GFOD1: variants seen among roughly 807,000 people sequenced by gnomAD.
GFOD1 encodes the protein glucose-fructose oxidoreductase domain-containing protein 1.
In GFOD1, 9 loss-of-function variants were observed where a neutral mutation model predicts 25.4. That is an observed-to-expected ratio of 0.35 (90% CI 0.21 to 0.62). GFOD1 has a LOEUF of 0.62. Among genes scored for constraint, GFOD1 ranks in the 20% least tolerant of loss-of-function variants. The probability of loss-of-function intolerance (pLI) is 0.72; values close to 1 mark genes in which losing one functional copy is unlikely to be tolerated. For synonymous variants in GFOD1, 253 were observed against 245.6 expected (o/e 1.03, Z -0.28); for missense variants, 403 against 556.9 (o/e 0.72, Z 2.78).
chr6:13,468,174 A>T lies in GFOD1; in HGVS notation c.253+18464T>A, dbSNP rs145210341. On this transcript the variant is annotated intron_variant, in intron 1 of 1. Transcript: ENST00000379287. ...CATTAGGATTTGGGCTCCTTACTAGACTTTAATTTTCTAGGTGTGTGTGCG... is the reference window on the plus strand; with the variant it reads ...CATTAGGATTTGGGCTCCTTACTAGTCTTTAATTTTCTAGGTGTGTGTGCG... 4.2e-3 allele frequency among the ~76,000 whole-genome samples: 643 copies of T among 152,234 alleles called. 4 individuals are homozygous for T. Among genetic ancestry groups the T allele is most frequent in the African/African-American group, 0.015 (626 of 41,550 alleles).
At chr6:13,408,239 T>C (rs1584633804) in intron 1 of GFOD1, 1 of 284,066 alleles carries the variant, frequency 3.5e-6, no homozygotes, top group Middle Eastern at 1.8e-3. Flanking sequence ...TAATTTCCTT[T>C]CCTTCTTAGA....
chr6:13,465,384 C>T (rs1014630352), intron 1 of GFOD1, among the ~76,000 whole-genome samples: 1 of 152,142 alleles, frequency 6.6e-6, no homozygotes, highest in East Asian at 1.9e-4. Flanking sequence ...AAGCTTGGTC[C>T]ATGAACCAGC....
rs924946942 is a variant in GFOD1, at chr6:13,359,804, G to C, written c.*4939C>G. On this transcript the variant is annotated 3_prime_UTR_variant, in exon 2 of 2. Coordinates refer to ENST00000379287, the MANE Select transcript of GFOD1 (RefSeq NM_018988.4). ...TCTACTAAAAATACAAAAATTAGCC[G>C]GGCATGGTGGCGTGCGTCTGTAATC... 1 of 152,078 alleles carries C rather than the reference G, an allele frequency of 6.6e-6. No individual in the cohort carries two copies. Among genetic ancestry groups the C allele is most frequent in the African/African-American group, 2.4e-5 (1 of 41,378 alleles). The allele number at this position is 152,078 out of a possible 1,614,324, so 9.4% of individuals were successfully genotyped here.
rs1758889083 is a variant in GFOD1, at chr6:13,487,040, G to T, written c.-150C>A. The T allele has an allele frequency of 6.5e-6, 6 of 927,914 alleles. No homozygotes were observed. The highest frequency in any genetic ancestry group is 2.9e-5 in the Admixed American group (1 of 34,558). 57.5% of individuals were successfully genotyped at this position (927,914 alleles called of 1,614,324 possible). A position where few individuals can be genotyped will look rare whatever the true frequency, so the allele number is the denominator to read the frequency against. ...CGTGCACCGGGCAAGGCGCCCGGGT[G>T]CCCAGAGCGCACCGAGCTGCAGGCG... On this transcript the variant is annotated 5_prime_UTR_variant, in exon 1 of 2. Coordinates refer to ENST00000379287, the MANE Select transcript of GFOD1 (RefSeq NM_018988.4). The surrounding 1 kb of genome is among the most constrained non-coding windows in gnomAD (Gnocchi z 4.9).
At chr6:13,413,571 C>T (rs1241807975) in intron 1 of GFOD1, among the ~76,000 whole-genome samples, 3 of 152,144 alleles carry the variant, frequency 2.0e-5, no homozygotes, top group African/African-American at 7.2e-5. Context: ...CTCTCCTTAC[C>T]CAAGGTAAGC....
intron 1 of GFOD1, among the ~76,000 whole-genome samples, chr6:13,446,987 A>T (rs1433630627): frequency 6.6e-6 from 1 of 152,218 alleles, no homozygotes; most frequent in Admixed American, 6.5e-5. Flanking sequence ...TCTGTAAGGG[A>T]TGCTTTTGGA....
intron 1 of GFOD1, among the ~76,000 whole-genome samples, chr6:13,478,691 G>A (rs951346491): frequency 6.6e-6 from 1 of 152,234 alleles, no homozygotes; most frequent in Non-Finnish European, 1.5e-5. Flanking sequence ...TCAGGTGGCT[G>A]AACTTGTCAT....
At chr6:13,391,435 T>C (rs955801372) in intron 1 of GFOD1, among the ~76,000 whole-genome samples, 2 of 148,028 alleles carry the variant, frequency 1.4e-5, no homozygotes, top group African/African-American at 5.0e-5. Flanking sequence ...GAGGTGAAGG[T>C]TGCAGTGAGC....
intron 1 of GFOD1, among the ~76,000 whole-genome samples, chr6:13,477,344 CA>C (rs1208116155): frequency 6.6e-6 from 1 of 151,980 alleles, no homozygotes; most frequent in African/African-American, 2.4e-5. Flanking sequence ...GGCAGACAGG[CA>C]GGCTGGAGAC....
At chr6:13,384,532 G>C (rs1183363341) in intron 1 of GFOD1, among the ~76,000 whole-genome samples, 1 of 152,160 alleles carries the variant, frequency 6.6e-6, no homozygotes, top group East Asian at 1.9e-4. Flanking sequence ...TTCTCATACT[G>C]GTCAATACTT....
rs183534912 is a variant in GFOD1, at chr6:13,373,670, C to T, written c.254-8008G>A. 2.0e-3 allele frequency among the ~76,000 whole-genome samples: 308 copies of T among 151,628 alleles called. 2 individuals are homozygous for T. The highest frequency in any genetic ancestry group is 6.8e-3 in the African/African-American group (281 of 41,234). On this transcript the variant is annotated intron_variant, in intron 1 of 1. Transcript: ENST00000379287. The stretch of plus-strand genomic sequence containing the variant: ...CTTTCACTCTCTCACTCACTTACTG[C>T]AACACTCCATTTAGCCCAGCTCTTT...
intron 1 of GFOD1, among the ~76,000 whole-genome samples, chr6:13,440,933 G>A (rs1222711719): frequency 6.6e-6 from 1 of 152,190 alleles, no homozygotes; most frequent in East Asian, 1.9e-4. Context: ...AGAAGGAACT[G>A]CTGCAATCAG....
At chr6:13,372,949 C>CAGAGCCCCCAAAAGA (rs1349556574) in intron 1 of GFOD1, among the ~76,000 whole-genome samples, 2 of 152,256 alleles carry the variant, frequency 1.3e-5, no homozygotes, top group Non-Finnish European at 2.9e-5. Flanking sequence ...AGCAGATTGG[C>CAGAGCCCCCAAAAGA]AGAGCCCCCA....
At chr6:13,469,280 T>C (rs920015205) in intron 1 of GFOD1, 41 of 985,388 alleles carry the variant, frequency 4.2e-5, no homozygotes, top group Admixed American at 1.8e-4. Flanking sequence ...TTATATCTTA[T>C]CCATACAAGA....
chr6:13,429,640 A>C (rs962550330), intron 1 of GFOD1, among the ~76,000 whole-genome samples: 2 of 152,216 alleles, frequency 1.3e-5, no homozygotes, highest in Non-Finnish European at 2.9e-5. Flanking sequence ...GCCCAAGGCT[A>C]TCTGGAAGAA....
At chr6:13,449,138 T>G (rs1299038168) in intron 1 of GFOD1, among the ~76,000 whole-genome samples, 1 of 152,070 alleles carries the variant, frequency 6.6e-6, no homozygotes, top group Non-Finnish European at 1.5e-5. Flanking sequence ...AAAACATTTT[T>G]AAATTAGCCA....
chr6:13,403,651 T>G (rs1196390318), intron 1 of GFOD1, among the ~76,000 whole-genome samples: 13 of 152,202 alleles, frequency 8.5e-5, no homozygotes, highest in Admixed American at 8.5e-4. Flanking sequence ...TGTTATTTGT[T>G]ACAAGACTGT....
chr6:13,397,139 T>G (rs1785748410), intron 1 of GFOD1, among the ~76,000 whole-genome samples: 1 of 152,138 alleles, frequency 6.6e-6, no homozygotes, highest in Admixed American at 6.5e-5. Flanking sequence ...AGACCCATTG[T>G]GGGTGCCCAC....
intron 1 of GFOD1, among the ~76,000 whole-genome samples, chr6:13,368,887 G>A (rs1484828090): frequency 6.6e-6 from 1 of 152,094 alleles, no homozygotes; most frequent in Non-Finnish European, 1.5e-5. Flanking sequence ...ATACAAAAAT[G>A]CAACTCCACC....
Sources: allele counts gnomAD v4.1 joint callset (sites outside exome capture counted in the v4.1 genomes callset), GRCh38; gene constraint gnomAD v4.1.1; non-coding constraint Gnocchi (gnomAD v3.1); transcripts MANE v1.5; gene names NCBI Gene and HGNC (gene_info 2026-07-23, HGNC 2026-07-21).